Variants in GRN observed in about 807,000 individuals in gnomAD.
The protein encoded by GRN is granulin precursor.
A neutral mutation model predicts 66.7 loss-of-function variants in GRN; 30 were observed. The ratio of observed to expected loss-of-function variants is 0.45; its 90% confidence interval spans 0.34 to 0.61. The LOEUF (loss-of-function observed/expected upper bound fraction) is 0.61, where lower values mean the gene tolerates loss of function less well. Among genes scored for constraint, GRN ranks in the 20% least tolerant of loss-of-function variants. The probability of loss-of-function intolerance (pLI) is 0.01; values close to 1 mark genes in which losing one functional copy is unlikely to be tolerated. For synonymous variants in GRN, 327 were observed against 311.1 expected (o/e 1.05, Z -0.54); for missense variants, 731 against 803.5 (o/e 0.91, Z 1.09).
chr17:44,352,730 T>G lies in GRN; in HGVS notation c.1714T>G (p.Cys572Gly). The change falls in exon 13 of 13, where the codon TGT becomes GGT. Residue 572 changes from cysteine (C) to glycine (G), a missense_variant. Physicochemically the swap from Cys to Gly is radical, Grantham distance 159. Around this residue, in one of 3 missense-constraint regions of GRN, gnomAD observed 319 missense variants for 347.2 expected, o/e 0.92. Transcript: ENST00000053867. ...CCGCTGCGCAGCCAGGGGTACCAAGTGTTTGCGCAGGGAGGCCCCGCGCTG... is the reference window on the plus strand; with the variant it reads ...CCGCTGCGCAGCCAGGGGTACCAAGGGTTTGCGCAGGGAGGCCCCGCGCTG... ...GFRCAARGTK[C>G]LRREAPRWDA... is the part of the protein sequence containing the mutation. 1 of 1,611,652 alleles carries G rather than the reference T, an allele frequency of 6.2e-7. No homozygotes were observed. Among genetic ancestry groups the G allele is most frequent in the Non-Finnish European group, 8.5e-7 (1 of 1,179,978 alleles).
rs776977351 is a variant in GRN, at chr17:44,351,175, AGGG to A, written c.835+13_835+15del. The A allele has an allele frequency of 1.2e-6, 2 of 1,614,118 alleles. No homozygotes were observed. Among genetic ancestry groups the A allele is most frequent in the East Asian group, 4.5e-5 (2 of 44,884 alleles). ...GCCTGCGCACACAGGTACCAGAGGC[AGGG>A]TGCAGATACAGGGGTGGGGCCCCCT... On this transcript the variant is annotated intron_variant, in intron 8 of 12. Coordinates refer to ENST00000053867, the MANE Select transcript of GRN (RefSeq NM_002087.4).
chr17:44,347,680 G>A (rs557305282), intron 1 of GRN, among the ~76,000 whole-genome samples: 11 of 151,742 alleles, frequency 7.2e-5, no homozygotes, highest in African/African-American at 2.7e-4. Context: ...GGCTGGGTGT[G>A]GTGGTTCAAG....
rs1363125235 is a variant in GRN, at chr17:44,352,697, G to A, written c.1681G>A (p.Ala561Thr). 6.2e-7 allele frequency: 1 copy of A among 1,610,300 alleles called. No individual in the cohort carries two copies. The highest frequency in any genetic ancestry group is 8.5e-7 in the Non-Finnish European group (1 of 1,180,004). The change falls in exon 13 of 13, where the codon GCT becomes ACT. Residue 561 changes from alanine (A) to threonine (T), a missense_variant. Physicochemically the swap from Ala to Thr is moderately conservative, Grantham distance 58. This residue lies in a region of GRN where 319 missense variants were observed against 347.2 expected (regional missense o/e 0.92). Transcript: ENST00000053867. ...TGCTGATCGGCGCCACTGCTGTCCT[G>A]CTGGCTTCCGCTGCGCAGCCAGGGG... is the stretch of plus-strand genomic sequence containing the variant. ...CCADRRHCCP[A>T]GFRCAARGTK...
chr17:44,349,350 A>G, intron 2 of GRN, 48 bp downstream of exon 2: 1 of 1,614,116 alleles, frequency 6.2e-7, no homozygotes, highest in Non-Finnish European at 8.5e-7. Context: ...GGGTTTTCCC[A>G]AAGGGTCATC....
Position 44,349,210 on chromosome 17 carries a change from G to A in GRN, c.46G>A (p.Ala16Thr), listed in dbSNP as rs1482233397. 1 of 1,614,100 alleles carries A rather than the reference G, an allele frequency of 6.2e-7. No individual in the cohort carries two copies. Among genetic ancestry groups the A allele is most frequent in the Non-Finnish European group, 8.5e-7 (1 of 1,179,988 alleles). ...GGTGGCCTTAACAGCAGGGCTGGTG[G>A]CTGGAACGCGGTGCCCAGATGGTCA... ...SWVALTAGLV[A>T]GTRCPDGQFC... Residue 16 changes from alanine to threonine, a missense_variant, in exon 2 of 13, where the codon GCT (alanine) becomes ACT (threonine). This residue lies in a region of GRN where 370 missense variants were observed against 379.8 expected (regional missense o/e 0.97). Coordinates refer to ENST00000053867, the MANE Select transcript of GRN (RefSeq NM_002087.4).
At position 44,352,149 on chromosome 17, in the gene GRN, C is replaced by T. The variant is rs1192018166; in HGVS notation, c.1314C>T (p.His438=). Residue 438 remains histidine (H), a synonymous_variant, in exon 11 of 13, where the codon CAC becomes CAT. Transcript: ENST00000053867. The part of the protein sequence containing the change: ...KMPARRASLS[H]PRDIGCDQHT... Reference sequence around the variant, plus strand: ...CTGCCCGCCGGGCTTCCTTATCCCACCCCAGAGACATCGGCTGTGACCAGC... The same window carrying T: ...CTGCCCGCCGGGCTTCCTTATCCCATCCCAGAGACATCGGCTGTGACCAGC... 5 of 1,613,736 alleles carry T rather than the reference C, an allele frequency of 3.1e-6. No individual in the cohort carries two copies. Among genetic ancestry groups the T allele is most frequent in the East Asian group, 2.2e-5 (1 of 44,896 alleles).
At chr17:44,350,853 T>C in intron 7 of GRN, 53 bp downstream of exon 7, 3 of 1,471,064 alleles carry the variant, frequency 2.0e-6, no homozygotes, top group Non-Finnish European at 1.9e-6. Context: ...CACCTGGCCC[T>C]GACACGCACC....
Position 44,351,040 on chromosome 17 carries a change from A to C in GRN, c.712A>C (p.Thr238Pro), listed in dbSNP as rs759627977. The stretch of plus-strand genomic sequence containing the variant: ...ACCCACCCCTGTCCCCACTCAGGCC[A>C]CCTGCTGCTCCGATCACCTGCACTG... ...KYGCCPMPNATCCSDHLHCCP... is the reference protein window; with the variant it reads ...KYGCCPMPNAPCCSDHLHCCP... Residue 238 changes from threonine to proline, a missense_variant, in exon 8 of 13, where the codon ACC becomes CCC. By Grantham distance (38) the Thr-to-Pro change is conservative (BLOSUM62 -1). Transcript: ENST00000053867. 7 of 1,613,612 alleles carry C rather than the reference A, an allele frequency of 4.3e-6. No homozygotes were observed. The highest frequency in any genetic ancestry group is 5.9e-6 in the Non-Finnish European group (7 of 1,179,964).
chr17:44,349,993 G>A (rs536578130), intron 4 of GRN: 30 of 645,812 alleles, frequency 4.6e-5, no homozygotes, highest in Middle Eastern at 4.1e-4. Flanking sequence ...GAGCTGGGCC[G>A]GTCTAATACC....
intron 1 of GRN, among the ~76,000 whole-genome samples, chr17:44,347,785 C>G (rs1598361752): frequency 6.6e-6 from 1 of 151,828 alleles, no homozygotes; most frequent in East Asian, 2.0e-4. Context: ...AACCCCCTCT[C>G]TGCTAAAAAT....
Position 44,350,492 on chromosome 17 carries a change from C to T in GRN, c.513C>T (p.Cys171=), listed in dbSNP as rs147974849. ...RVHCCPHGAF[C]DLVHTRCITP... ...ACTGCTGTCCGCACGGTGCCTTCTG[C>T]GACCTGGTTCACACCCGCTGCATCA... The change falls in exon 6 of 13, where the codon TGC becomes TGT. Residue 171 remains cysteine (C), a synonymous_variant. Coordinates refer to ENST00000053867, the MANE Select transcript of GRN (RefSeq NM_002087.4). 1.1e-4 allele frequency: 184 copies of T among 1,613,900 alleles called. No individual in the cohort carries two copies. The African/African-American group carries it at 1.6e-3, about 14-fold the overall frequency.
At chr17:44,350,870 G>T in intron 7 of GRN, 70 bp downstream of exon 7, 2 of 1,418,798 alleles carry the variant, frequency 1.4e-6, no homozygotes, top group Non-Finnish European at 1.0e-6. Context: ...CACCTTACAG[G>T]GGCTCTGTGG....
chr17:44,351,527 C>T (rs763823124), intron 9 of GRN, 23 bp from the exon 10 acceptor site: 7 of 1,613,814 alleles, frequency 4.3e-6, no homozygotes, highest in South Asian at 1.1e-5. Context: ...CAGTGCCCAC[C>T]TGCCCTTCTT....
At chr17:44,347,290 T>C (rs1419768260) in intron 1 of GRN, among the ~76,000 whole-genome samples, 1 of 152,016 alleles carries the variant, frequency 6.6e-6, no homozygotes, top group African/African-American at 2.4e-5. Context: ...GGTTTTTTTG[T>C]TTTGTTTTTT....
chr17:44,352,525 G>T lies in GRN; in HGVS notation c.1598G>T (p.Cys533Phe). 6.2e-7 allele frequency: 1 copy of T among 1,613,920 alleles called. No homozygotes were observed. The highest frequency in any genetic ancestry group is 1.1e-5 in the South Asian group (1 of 91,084). The change falls in exon 12 of 13, where the codon TGC (cysteine) becomes TTC (phenylalanine). Residue 533 changes from cysteine (C) to phenylalanine (F), a missense_variant. Transcript: ENST00000053867. Reference protein sequence around the residue: ...EGHFCHDNQTCCRDNRQGWAC... With the variant: ...EGHFCHDNQTFCRDNRQGWAC... ...CACTTCTGCCATGATAACCAGACCT[G>T]CTGCCGAGACAACCGACAGGGCTGG...
At chr17:44,351,192 G>A (rs1350185453) in intron 8 of GRN, 29 bp downstream of exon 8, 22 of 1,613,968 alleles carry the variant, frequency 1.4e-5, no homozygotes, top group Non-Finnish European at 1.9e-5. Flanking sequence ...AGATACAGGG[G>A]TGGGGCCCCC....
chr17:44,349,226 C>T lies in GRN; in HGVS notation c.62C>T (p.Pro21Leu), dbSNP rs745947095. The change falls in exon 2 of 13, where the codon CCA (proline) becomes CTA (leucine). Residue 21 changes from proline to leucine, a missense_variant. Physicochemically the swap from Pro to Leu is moderately conservative, Grantham distance 98. Transcript: ENST00000053867. ...TAGLVAGTRC[P>L]DGQFCPVACC... Reference sequence around the variant, plus strand: ...GGGCTGGTGGCTGGAACGCGGTGCCCAGATGGTCAGTTCTGCCCTGTGGCC... The same window carrying T: ...GGGCTGGTGGCTGGAACGCGGTGCCTAGATGGTCAGTTCTGCCCTGTGGCC... 7 of 1,613,908 alleles carry T rather than the reference C, an allele frequency of 4.3e-6. No individual in the cohort carries two copies. Among genetic ancestry groups the T allele is most frequent in the Non-Finnish European group, 5.1e-6 (6 of 1,179,978 alleles).
At position 44,353,000 on chromosome 17, in the gene GRN, C is replaced by A. The variant is rs1184104096; in HGVS notation, c.*202C>A. The A allele has an allele frequency of 6.4e-6, 4 of 623,044 alleles. No homozygotes were observed. The highest frequency in any genetic ancestry group is 5.7e-6 in the Non-Finnish European group (2 of 350,396). 38.6% of individuals were successfully genotyped at this position (623,044 alleles called of 1,614,324 possible). A position where few individuals can be genotyped will look rare whatever the true frequency, so the allele number is the denominator to read the frequency against. ...CAAAAGCCACATTACAAGCTGCCAT[C>A]CCCTCCCCGTTTCAGTGGACCCTGT... On this transcript the variant is annotated 3_prime_UTR_variant, in exon 13 of 13. Coordinates refer to ENST00000053867, the MANE Select transcript of GRN (RefSeq NM_002087.4).
chr17:44,351,399 C>T lies in GRN; in HGVS notation c.872C>T (p.Pro291Leu). The part of the protein sequence containing the change: ...DVKCDMEVSC[P>L]DGYTCCRLQS... Reference sequence around the variant, plus strand: ...AAATGTGACATGGAGGTGAGCTGCCCAGATGGCTATACCTGCTGCCGTCTA... The same window carrying T: ...AAATGTGACATGGAGGTGAGCTGCCTAGATGGCTATACCTGCTGCCGTCTA... The change falls in exon 9 of 13, where the codon CCA becomes CTA. Residue 291 changes from proline to leucine, a missense_variant. Transcript: ENST00000053867. The T allele has an allele frequency of 6.2e-7, 1 of 1,613,854 alleles. No homozygotes were observed. Among genetic ancestry groups the T allele is most frequent in the Non-Finnish European group, 8.5e-7 (1 of 1,179,802 alleles).
Sources: gnomAD v4.1 joint callset for allele counts (sites outside exome capture counted in the v4.1 genomes callset) on GRCh38, gnomAD v4.1.1 for gene constraint, gnomAD v4.1.1 regional missense constraint, MANE v1.5 for transcripts, NCBI Gene and HGNC (gene_info 2026-07-23, HGNC 2026-07-21) for gene names.